The following P4HA3 variants were observed in gnomAD, a reference collection of about 807,000 sequenced individuals.
P4HA3 encodes prolyl 4-hydroxylase subunit alpha 3, also known as prolyl 4-hydroxylase subunit alpha-3.
In P4HA3, 60 loss-of-function variants were observed where a neutral mutation model predicts 66.7. The observed-to-expected ratio is 0.90, with a 90% CI of 0.73 to 1.12. The LOEUF (loss-of-function observed/expected upper bound fraction) is 1.12. P4HA3 is among the 50% of genes most tolerant of loss of function. The pLI, the probability that P4HA3 is intolerant of heterozygous loss-of-function variation, is 0.00. For missense variants in P4HA3, 683 were observed against 685.8 expected (o/e 1.00, Z 0.05); for synonymous variants, 263 against 274.6 (o/e 0.96, Z 0.42).
chr11:74,267,804 G>A (rs954942480), intron 12 of P4HA3, among the ~76,000 whole-genome samples: 7 of 152,146 alleles, frequency 4.6e-5, no homozygotes, highest in African/African-American at 1.4e-4. Context: ...ACCTCCTCAT[G>A]GGGAGCACTA....
At chr11:74,276,523 G>T (rs113622588) in intron 9 of P4HA3, among the ~76,000 whole-genome samples, 123 of 152,246 alleles carry the variant, frequency 8.1e-4, no homozygotes, top group African/African-American at 2.6e-3. Flanking sequence ...CTACACTGCA[G>T]CCTGGGCAAC....
chr11:74,292,687 C>A (rs1243174847), intron 4 of P4HA3, among the ~76,000 whole-genome samples: 3 of 152,068 alleles, frequency 2.0e-5, no homozygotes, highest in Admixed American at 6.6e-5. Context: ...TTATTTCTGC[C>A]TTCATTTCAT....
chr11:74,279,042 T>C (rs1860499597), intron 8 of P4HA3, among the ~76,000 whole-genome samples: 1 of 151,924 alleles, frequency 6.6e-6, no homozygotes, highest in African/African-American at 2.4e-5. Context: ...AGTCAGGAGG[T>C]GGGAATGGAA....
At position 74,255,690 on chromosome 11, in the gene P4HA3, C is replaced by G. The variant is rs117202368; in HGVS notation, c.*1318+4233G>C. On this transcript the variant is annotated intron_variant and NMD_transcript_variant, in intron 15 of 15. Transcript: ENST00000524388. ...ACTGTTACATTGTTATAGTTAGGAA[C>G]TTTATTCAGGGCCGTCTGTGGGCCA... Among the ~76,000 whole-genome samples the G allele has an allele frequency of 3.5e-3, 539 of 152,316 alleles. 1 individual carries two copies. Among genetic ancestry groups the G allele is most frequent in the Non-Finnish European group, 6.0e-3 (411 of 68,030 alleles).
chr11:74,254,210 G>A (rs1045017181), intron 15 of P4HA3: 127 of 153,064 alleles, frequency 8.3e-4, no homozygotes, highest in Non-Finnish European at 1.1e-3. Context: ...GCTGCTCCAG[G>A]GGCCTCCTGC....
chr11:74,301,648 T>G (rs1468041848), intron 3 of P4HA3, among the ~76,000 whole-genome samples: 1 of 152,194 alleles, frequency 6.6e-6, no homozygotes, highest in Non-Finnish European at 1.5e-5. Context: ...TAAAATGGAT[T>G]TGCTCCATTG....
At chr11:74,258,490 C>G (rs926137824) in intron 15 of P4HA3, among the ~76,000 whole-genome samples, 1 of 152,162 alleles carries the variant, frequency 6.6e-6, no homozygotes, top group Admixed American at 6.5e-5. Flanking sequence ...CTCCTAACTC[C>G]TCTGGAGTGG....
chr11:74,293,305 C>G (rs1168620845), intron 4 of P4HA3, among the ~76,000 whole-genome samples: 2 of 152,078 alleles, frequency 1.3e-5, no homozygotes, highest in African/African-American at 4.8e-5. Context: ...CTTGGTAGAT[C>G]TTCCTCCATC....
chr11:74,304,511 C>T (rs1861517937), intron 1 of P4HA3, 99 bp from the exon 2 acceptor site: 1 of 1,341,342 alleles, frequency 7.5e-7, no homozygotes, highest in Non-Finnish European at 1.0e-6. Context: ...CTAACACTGA[C>T]ATGCTGAACC....
At chr11:74,304,948 C>T (rs58557652) in intron 1 of P4HA3, among the ~76,000 whole-genome samples, 6,055 of 152,128 alleles carry the variant, frequency 0.04, 128 homozygotes, top group Middle Eastern at 0.1. Context: ...CAGTTAGATT[C>T]CTATAAGGAG....
chr11:74,285,686 G>T, intron 7 of P4HA3, 123 bp downstream of exon 7: 2 of 1,024,764 alleles, frequency 2.0e-6, no homozygotes, highest in Non-Finnish European at 2.8e-6. Context: ...TGGAATGGTT[G>T]GCATTCTGAA....
chr11:74,311,388 C>T, intron 1 of P4HA3, 24 bp downstream of exon 1: 1 of 1,477,680 alleles, frequency 6.8e-7, no homozygotes, highest in Non-Finnish European at 8.9e-7. Context: ...GCCCCTCGGT[C>T]GCTCCCACTC....
At chr11:74,295,034 A>G (rs1025870584) in intron 4 of P4HA3, among the ~76,000 whole-genome samples, 2 of 152,034 alleles carry the variant, frequency 1.3e-5, no homozygotes. Flanking sequence ...TGTAGACCGG[A>G]GCTGTTCCTA....
intron 9 of P4HA3, among the ~76,000 whole-genome samples, chr11:74,275,352 T>C (rs747164065): frequency 6.6e-6 from 1 of 152,252 alleles, no homozygotes; most frequent in Non-Finnish European, 1.5e-5. Context: ...TTTTCATATA[T>C]GGTGTAAGGT....
In P4HA3 at chr11:74,269,680, T is replaced by C. The variant is rs778472106; in HGVS notation, c.1439A>G (p.Tyr480Cys). ...VEAGGATAFI[Y>C]ANLSVPVVRN... ...AACCACAGGCACGCTGAGGTTGGCA[T>C]AGATGAAGGCTGTGGCTCCTCCAGC... Residue 480 changes from tyrosine (Y) to cysteine (C), a missense_variant, in exon 11 of 13, where the codon TAT (tyrosine) becomes TGT (cysteine). Coordinates refer to ENST00000331597, the MANE Select transcript of P4HA3 (RefSeq NM_182904.5). 2 of 1,613,978 alleles carry C rather than the reference T, an allele frequency of 1.2e-6. No homozygotes were observed. Among genetic ancestry groups the C allele is most frequent in the South Asian group, 1.1e-5 (1 of 91,038 alleles).
chr11:74,302,550 G>C lies in P4HA3; in HGVS notation c.386C>G (p.Ala129Gly), dbSNP rs746554136. The C allele has an allele frequency of 7.4e-6, 12 of 1,614,064 alleles. No individual in the cohort carries two copies. Among genetic ancestry groups the C allele is most frequent in the Admixed American group, 6.7e-5 (4 of 60,000 alleles). Residue 129 changes from alanine to glycine, a missense_variant, in exon 3 of 13, where the codon GCC (alanine) becomes GGC (glycine). By Grantham distance (60) the Ala-to-Gly change is moderately conservative (BLOSUM62 0). Coordinates refer to ENST00000331597, the MANE Select transcript of P4HA3 (RefSeq NM_182904.5). ...TGCTGCTCCCTCAAGGTCCTCAAAGGCTGGAAGGTCTTGCTCCACCTTCTC... is the reference window on the plus strand; with the variant it reads ...TGCTGCTCCCTCAAGGTCCTCAAAGCCTGGAAGGTCTTGCTCCACCTTCTC... The part of the protein sequence containing the change: ...GYEKVEQDLP[A>G]FEDLEGAARA...
chr11:74,251,744 C>T (rs1401736829), intron 15 of P4HA3: 18 of 1,612,456 alleles, frequency 1.1e-5, no homozygotes, highest in Non-Finnish European at 1.4e-5. Flanking sequence ...TTTAAGAACC[C>T]AGCAGTGCTG....
chr11:74,292,366 A>G (rs1297743907), intron 4 of P4HA3, among the ~76,000 whole-genome samples: 1 of 152,056 alleles, frequency 6.6e-6, no homozygotes, highest in East Asian at 1.9e-4. Context: ...CTAGCGGTCT[A>G]TCAATTTTGT....
rs112867117 is a variant in P4HA3, at chr11:74,287,432, C to T, written c.770-1041G>A. On this transcript the variant is annotated intron_variant, in intron 5 of 12. Coordinates refer to ENST00000331597, the MANE Select transcript of P4HA3 (RefSeq NM_182904.5). ...CCGGAAATAAAACTGGGAATCTCAACTTGCCATGTTCTATTATCCACCTAT... is the reference window on the plus strand; with the variant it reads ...CCGGAAATAAAACTGGGAATCTCAATTTGCCATGTTCTATTATCCACCTAT... 2.2e-4 allele frequency: 198 copies of T among 904,826 alleles called. 1 individual carries two copies. In the African/African-American group the frequency reaches 2.8e-3, roughly 13 times the overall value. 56.0% of individuals were successfully genotyped at this position (904,826 alleles called of 1,614,324 possible).
Sources: allele counts gnomAD v4.1 joint callset (sites outside exome capture counted in the v4.1 genomes callset), GRCh38; gene constraint gnomAD v4.1.1; transcripts MANE v1.5; gene names NCBI Gene and HGNC (gene_info 2026-07-23, HGNC 2026-07-21).